MVB12B: variants seen among roughly 807,000 people sequenced by gnomAD.
MVB12B encodes the protein ESCRT-I complex subunit MVB12B.
Under a neutral mutation model 41.6 loss-of-function variants are expected in MVB12B, and 16 were observed. That is an observed-to-expected ratio of 0.38 (90% CI 0.26 to 0.58). The LOEUF (loss-of-function observed/expected upper bound fraction) is 0.58, where lower values mean the gene tolerates loss of function less well. Among genes scored for constraint, MVB12B ranks in the 20% least tolerant of loss-of-function variants. The probability of loss-of-function intolerance (pLI) is 0.62; values close to 1 mark genes in which losing one functional copy is unlikely to be tolerated. For synonymous variants in MVB12B, 133 were observed against 139.7 expected (o/e 0.95, Z 0.34); for missense variants, 274 against 380.2 (o/e 0.72, Z 2.32).
intron 3 of MVB12B, 70 bp downstream of exon 3, chr9:126,381,241 C>A: frequency 9.0e-7 from 1 of 1,115,706 alleles, no homozygotes; most frequent in South Asian, 1.3e-5. Flanking sequence ...GGAATTTCCT[C>A]ATTTTGTTGT....
At chr9:126,437,094 C>G (rs549411379) in intron 7 of MVB12B, among the ~76,000 whole-genome samples, 1 of 152,114 alleles carries the variant, frequency 6.6e-6, no homozygotes, top group African/African-American at 2.4e-5. Context: ...GCTGAGCTGC[C>G]GTGTGGGTGG....
chr9:126,496,387 TCCACCCATAC>T (rs1175311424), intron 9 of MVB12B, among the ~76,000 whole-genome samples: 1 of 137,670 alleles, frequency 7.3e-6, no homozygotes, highest in African/African-American at 2.7e-5. Flanking sequence ...CCACTACCTA[TCCACCCATAC>T]CCACCCACTC....
chr9:126,449,989 C>T (rs1832860146), intron 7 of MVB12B, among the ~76,000 whole-genome samples: 2 of 152,218 alleles, frequency 1.3e-5, no homozygotes, highest in African/African-American at 2.4e-5. Context: ...TAGGCTTTCT[C>T]ACTCCTCCAC....
chr9:126,444,376 A>AT lies in MVB12B; in HGVS notation c.757+22440dup, dbSNP rs572602097. On this transcript the variant is annotated intron_variant, in intron 7 of 9. Transcript: ENST00000361171. ...TCCACACAAGACTTGCTAACTGGTA[A>AT]TTTTTTTTTTTTAATTTTTATCAAT... 2.6e-3 allele frequency among the ~76,000 whole-genome samples: 389 copies of AT among 147,764 alleles called. 4 individuals carry two copies. The highest frequency in any genetic ancestry group is 7.9e-3 in the Admixed American group (117 of 14,806).
chr9:126,460,903 A>G (rs1001310426), intron 7 of MVB12B, among the ~76,000 whole-genome samples: 12 of 152,204 alleles, frequency 7.9e-5, no homozygotes, highest in Admixed American at 1.3e-4. Context: ...TTGAGGATTA[A>G]ATCAGTCAAT....
At chr9:126,439,062 C>G (rs1832566712) in intron 7 of MVB12B, among the ~76,000 whole-genome samples, 1 of 152,104 alleles carries the variant, frequency 6.6e-6, no homozygotes, top group South Asian at 2.1e-4. Flanking sequence ...GGTTCGATTC[C>G]CTTAGCCCTG....
chr9:126,339,938 A>G (rs970740450), intron 1 of MVB12B, among the ~76,000 whole-genome samples: 7 of 152,062 alleles, frequency 4.6e-5, no homozygotes, highest in Non-Finnish European at 7.4e-5. Flanking sequence ...TAAATTGCTT[A>G]CTCAAAGTCA....
Position 126,480,261 on chromosome 9 carries a change from C to T in MVB12B, c.758-1108C>T, listed in dbSNP as rs948209426. Among the ~76,000 whole-genome samples, 2 of 152,190 alleles carry T rather than the reference C, an allele frequency of 1.3e-5. No individual in the cohort carries two copies. Among genetic ancestry groups the T allele is most frequent in the African/African-American group, 2.4e-5 (1 of 41,442 alleles). On this transcript the variant is annotated intron_variant, in intron 7 of 9. Coordinates refer to ENST00000361171, the MANE Select transcript of MVB12B (RefSeq NM_033446.3). The surrounding 1 kb of genome is among the most constrained non-coding windows in gnomAD (Gnocchi z 4.9). ...CCTAACAACTGCGGCTGCATGTTCCCGACTCTTCCCAGACCTAAGGGAGAA... is the reference window on the plus strand; with the variant it reads ...CCTAACAACTGCGGCTGCATGTTCCTGACTCTTCCCAGACCTAAGGGAGAA...
intron 6 of MVB12B, among the ~76,000 whole-genome samples, chr9:126,416,636 G>A (rs771893572): frequency 3.9e-5 from 6 of 152,118 alleles, no homozygotes; most frequent in Admixed American, 6.5e-5. Flanking sequence ...CTAACATAGC[G>A]ATAACCACCT....
chr9:126,326,855 G>C lies in MVB12B; in HGVS notation c.-75G>C, dbSNP rs1195778138. ...CCGCCGCCGCCGCCGCTCTCGGTGA[G>C]GCTCGCGCTCGAGCTGCGGCGCCGG... On this transcript the variant is annotated 5_prime_UTR_variant, in exon 1 of 10. Transcript: ENST00000361171. 2 of 156,658 alleles carry C rather than the reference G, an allele frequency of 1.3e-5. No homozygotes were observed. Among genetic ancestry groups the C allele is most frequent in the South Asian group, 1.7e-4 (1 of 5,836 alleles). The allele number at this position is 156,658 out of a possible 1,614,324, so 9.7% of individuals were successfully genotyped here.
At chr9:126,343,133 T>G (rs539753537) in intron 2 of MVB12B, among the ~76,000 whole-genome samples, 12 of 152,332 alleles carry the variant, frequency 7.9e-5, no homozygotes, top group Admixed American at 7.8e-4. Context: ...ATAACTTCCC[T>G]TCTCTCTGGG....
chr9:126,366,840 C>T (rs1053474492), intron 2 of MVB12B, among the ~76,000 whole-genome samples: 15 of 152,154 alleles, frequency 9.9e-5, no homozygotes, highest in African/African-American at 2.4e-4. Flanking sequence ...CTGTGCTCTC[C>T]GTAGCACGGG....
At chr9:126,356,011 G>A (rs1489232604) in intron 2 of MVB12B, among the ~76,000 whole-genome samples, 1 of 151,996 alleles carries the variant, frequency 6.6e-6, no homozygotes. Flanking sequence ...TGCCTATTCT[G>A]GATATTCCAT....
rs1829199868 is a variant in MVB12B, at chr9:126,333,842, A to ATTCC, written c.82-6665_82-6662dup. 8.7e-6 allele frequency among the ~76,000 whole-genome samples: 1 copy of ATTCC among 115,228 alleles called. No homozygotes were observed. The highest frequency in any genetic ancestry group is 1.8e-5 in the Non-Finnish European group (1 of 56,368). The allele number at this position is 115,228 out of a possible 152,430, so 75.6% of individuals were successfully genotyped here. A position where few individuals can be genotyped will look rare whatever the true frequency, so the allele number is the denominator to read the frequency against. The stretch of plus-strand genomic sequence containing the variant: ...TCCATGGAAGATTACCTTTAGGTTC[A>ATTCC]TTCCATCCATCCATCCATCCATCCA... On this transcript the variant is annotated intron_variant, in intron 1 of 9. Coordinates refer to ENST00000361171, the MANE Select transcript of MVB12B (RefSeq NM_033446.3). The surrounding 1 kb of genome is among the most constrained non-coding windows in gnomAD (Gnocchi z 4.7).
At chr9:126,405,419 CA>C in intron 6 of MVB12B, among the ~76,000 whole-genome samples, 1 of 152,158 alleles carries the variant, frequency 6.6e-6, no homozygotes. Flanking sequence ...ACAGATTTAT[CA>C]GTTCACTTTA....
intron 7 of MVB12B, among the ~76,000 whole-genome samples, chr9:126,464,933 G>A (rs911913558): frequency 2.0e-5 from 3 of 152,190 alleles, no homozygotes; most frequent in Non-Finnish European, 2.9e-5. Flanking sequence ...TACTCCCGGC[G>A]TGCTTTGCTT....
At chr9:126,373,825 A>G (rs1448405798) in intron 2 of MVB12B, among the ~76,000 whole-genome samples, 2 of 152,200 alleles carry the variant, frequency 1.3e-5, no homozygotes, top group African/African-American at 4.8e-5. Flanking sequence ...TATAAAAGCT[A>G]TATATGCTCA....
intron 6 of MVB12B, among the ~76,000 whole-genome samples, chr9:126,403,202 A>G (rs1831317189): frequency 6.6e-6 from 1 of 152,036 alleles, no homozygotes; most frequent in Non-Finnish European, 1.5e-5. Flanking sequence ...CTGTTATCCG[A>G]CCGCCCCCCA....
At chr9:126,356,531 ACAC>A (rs1444722165) in intron 2 of MVB12B, among the ~76,000 whole-genome samples, 1 of 152,044 alleles carries the variant, frequency 6.6e-6, no homozygotes, top group Non-Finnish European at 1.5e-5. Context: ...AATGTCTGGG[ACAC>A]CATCATCACA....
Sources: allele counts gnomAD v4.1 joint callset (sites outside exome capture counted in the v4.1 genomes callset), GRCh38; gene constraint gnomAD v4.1.1; non-coding constraint Gnocchi (gnomAD v3.1); transcripts MANE v1.5; gene names NCBI Gene and HGNC (gene_info 2026-07-23, HGNC 2026-07-21).